The following C6orf62 variants were observed in gnomAD, a reference collection of about 807,000 sequenced individuals.
C6orf62 encodes chromosome 6 open reading frame 62, also known as uncharacterized protein C6orf62.
C6orf62 carries 16 observed loss-of-function variants against 26.8 expected under a neutral mutation model. The ratio of observed to expected loss-of-function variants is 0.60; its 90% CI spans 0.40 to 0.91. C6orf62 has a LOEUF of 0.91. C6orf62 is among the 40% of genes least tolerant of loss of function. C6orf62 has a pLI of 0.00. For missense variants in C6orf62, 192 were observed against 271.4 expected (o/e 0.71, Z 2.06); for synonymous variants, 112 against 91.5 (o/e 1.22, Z -1.28).
chr6:24,707,532 G>C (rs1042438561), intron 4 of C6orf62, among the ~76,000 whole-genome samples: 1 of 151,890 alleles, frequency 6.6e-6, no homozygotes, highest in African/African-American at 2.4e-5. Flanking sequence ...TAATTTCTTT[G>C]ATTTTTTGTA....
At position 24,718,429 on chromosome 6, in the gene C6orf62, CTTT is replaced by C. The variant is rs997822972; in HGVS notation, c.129+108_129+110del. 3.5e-6 allele frequency: 4 copies of C among 1,139,436 alleles called. No homozygotes were observed. The Admixed American group carries it at 7.9e-5, about 22-fold the overall frequency. 70.6% of individuals were successfully genotyped at this position (1,139,436 alleles called of 1,614,324 possible). ...GAAAAAACAGAGCATACAAAGCAGA[CTTT>C]TTTTCAACCACTCTTTAACCTAATA... On this transcript the variant is annotated intron_variant, in intron 1 of 4. Coordinates refer to ENST00000378119, the MANE Select transcript of C6orf62 (RefSeq NM_030939.5).
At chr6:24,707,412 G>A (rs992518521) in intron 4 of C6orf62, among the ~76,000 whole-genome samples, 4 of 151,176 alleles carry the variant, frequency 2.6e-5, no homozygotes, top group Non-Finnish European at 5.9e-5. Flanking sequence ...AGGCAGGAGT[G>A]TGTTGGTGCC....
chr6:24,718,865 C>T lies in C6orf62; in HGVS notation c.-197G>A. On this transcript the variant is annotated 5_prime_UTR_variant, in exon 1 of 5. Transcript: ENST00000378119. Reference sequence around the variant, plus strand: ...ACTGTCATATTACAGGGTCAAGAAACAAAAGCTGCTGTCCAGTCATGTTTG... The same window carrying T: ...ACTGTCATATTACAGGGTCAAGAAATAAAAGCTGCTGTCCAGTCATGTTTG... 2 of 1,412,466 alleles carry T rather than the reference C, an allele frequency of 1.4e-6. No homozygotes were observed. The highest frequency in any genetic ancestry group is 1.8e-6 in the Non-Finnish European group (2 of 1,091,178). The allele number at this position is 1,412,466 out of a possible 1,614,324, so 87.5% of individuals were successfully genotyped here.
chr6:24,717,151 T>C (rs1779250829), intron 1 of C6orf62, among the ~76,000 whole-genome samples: 1 of 152,252 alleles, frequency 6.6e-6, no homozygotes, highest in Admixed American at 6.5e-5. Flanking sequence ...TCATGAATTA[T>C]TCAGGGCAAC....
At chr6:24,719,447 G>A, upstream of C6orf62, 2 of 1,085,080 alleles carry the variant, frequency 1.8e-6, no homozygotes, top group East Asian at 8.2e-5. Flanking sequence ...GCGGGCAGCT[G>A]TGGCCCAAAG....
chr6:24,717,754 A>G (rs1779262154), intron 1 of C6orf62, among the ~76,000 whole-genome samples: 1 of 152,274 alleles, frequency 6.6e-6, no homozygotes, highest in Non-Finnish European at 1.5e-5. Flanking sequence ...CCAAAATCCA[A>G]GTAGCACTTC....
intron 3 of C6orf62, chr6:24,709,529 C>A (rs1779079650): frequency 2.0e-6 from 2 of 979,934 alleles, no homozygotes; most frequent in Admixed American, 1.2e-4. Flanking sequence ...AAGGCTGTAA[C>A]CCATTTCACA....
Position 24,719,146 on chromosome 6 carries a change from C to G in C6orf62, c.-478G>C. The G allele has an allele frequency of 9.2e-6, 6 of 654,302 alleles. No homozygotes were observed. The highest frequency in any genetic ancestry group is 1.1e-5 in the Non-Finnish European group (6 of 545,838). 40.5% of individuals were successfully genotyped at this position (654,302 alleles called of 1,614,324 possible). ...GGAACAGGGAGGGGGAAGTGTGATC[C>G]TTGCTTTCCAAAAAAAAAAAAAAAA... is the stretch of plus-strand genomic sequence containing the variant. On this transcript the variant is annotated 5_prime_UTR_variant, in exon 1 of 5. Coordinates refer to ENST00000378119, the MANE Select transcript of C6orf62 (RefSeq NM_030939.5).
intron 3 of C6orf62, chr6:24,710,555 C>T (rs189226979): frequency 3.7e-5 from 36 of 983,362 alleles, no homozygotes; most frequent in East Asian, 1.1e-4. Context: ...TGAGCAACCG[C>T]GCCCGGCCCA....
At chr6:24,710,131 A>T (rs62400788) in intron 3 of C6orf62, 1 of 985,060 alleles carries the variant, frequency 1.0e-6, no homozygotes. Flanking sequence ...ATTAGCTACT[A>T]AACAATAGGA....
At chr6:24,708,242 G>T in intron 4 of C6orf62, among the ~76,000 whole-genome samples, 1 of 112,858 alleles carries the variant, frequency 8.9e-6, no homozygotes, top group East Asian at 2.1e-4. Flanking sequence ...AAGGAGGTGG[G>T]TTTTTTCCCG....
In C6orf62 at chr6:24,707,158, T is replaced by C. The variant is rs1036745120; in HGVS notation, c.565-896A>G. On this transcript the variant is annotated intron_variant, in intron 4 of 4. Transcript: ENST00000378119. ...CCTATACATATGTAATATACTTTAC[T>C]TGTATTAGTTAATTTTAAATGTAAC... 4 of 152,214 alleles carry C rather than the reference T, an allele frequency of 2.6e-5. No homozygotes were observed. In the East Asian group the frequency reaches 5.8e-4, roughly 22 times the overall value. The allele number at this position is 152,214 out of a possible 1,614,324, so 9.4% of individuals were successfully genotyped here.
intron 1 of C6orf62, among the ~76,000 whole-genome samples, chr6:24,716,631 C>G (rs1233860149): frequency 6.6e-6 from 1 of 152,130 alleles, no homozygotes; most frequent in South Asian, 2.1e-4. Context: ...TAAAACAACG[C>G]TATTCAGACA....
At chr6:24,708,985 G>A (rs1197562017) in intron 3 of C6orf62, 74 bp from the exon 4 acceptor site, 2 of 1,582,180 alleles carry the variant, frequency 1.3e-6, no homozygotes. Flanking sequence ...TATGCTAGCT[G>A]TGCTGTCCAA....
rs115577969 is a variant in C6orf62 at position 24,717,096 on chromosome 6, G to A, written c.130-772C>T. 5.0e-3 allele frequency among the ~76,000 whole-genome samples: 767 copies of A among 152,138 alleles called. 7 individuals carry two copies. The highest frequency in any genetic ancestry group is 0.017 in the African/African-American group (710 of 41,528). ...TTTAATACTACTCAAGACCAAGTAC[G>A]CATCACTAAACTACTTTTTAAAATT... is the stretch of plus-strand genomic sequence containing the variant. On this transcript the variant is annotated intron_variant, in intron 1 of 4. Coordinates refer to ENST00000378119, the MANE Select transcript of C6orf62 (RefSeq NM_030939.5).
At chr6:24,716,375 A>C (rs1454587087) in intron 1 of C6orf62, 51 bp from the exon 2 acceptor site, 1 of 1,323,474 alleles carries the variant, frequency 7.6e-7, no homozygotes, top group Non-Finnish European at 1.1e-6. Flanking sequence ...CAGCCTTTTA[A>C]CACTCAGTTC....
Position 24,718,638 on chromosome 6 carries a change from C to A in C6orf62, c.31G>T (p.Ala11Ser), listed in dbSNP as rs767225153. The change falls in exon 1 of 5, where the codon GCT (alanine) becomes TCT (serine). Residue 11 changes from alanine to serine, a missense_variant. Coordinates refer to ENST00000378119, the MANE Select transcript of C6orf62 (RefSeq NM_030939.5). MGDPNSRKKQ[A>S]LNRLRAQLRK... ...AGCTGAGCACGTAGTCTGTTCAGAGCTTGTTTCTTCCGGGAGTTTGGGTCC... is the reference window on the plus strand; with the variant it reads ...AGCTGAGCACGTAGTCTGTTCAGAGATTGTTTCTTCCGGGAGTTTGGGTCC... The A allele has an allele frequency of 6.2e-7, 1 of 1,613,954 alleles. No homozygotes were observed. Among genetic ancestry groups the A allele is most frequent in the Non-Finnish European group, 8.5e-7 (1 of 1,179,980 alleles).
upstream of C6orf62, chr6:24,720,285 A>AGGCGGCGGC (rs3841338): frequency 6.9e-6 from 9 of 1,299,022 alleles, no homozygotes; most frequent in East Asian, 1.3e-4. Flanking sequence ...GCGGCGGAAG[A>AGGCGGCGGC]GGCGGCGGCG....
At chr6:24,717,097 C>G (rs146417041) in intron 1 of C6orf62, among the ~76,000 whole-genome samples, 1 of 152,272 alleles carries the variant, frequency 6.6e-6, no homozygotes, top group East Asian at 1.9e-4. Flanking sequence ...ACCAAGTACG[C>G]ATCACTAAAC....
Sources: gnomAD v4.1 joint callset for allele counts (sites outside exome capture counted in the v4.1 genomes callset) on GRCh38, gnomAD v4.1.1 for gene constraint, MANE v1.5 for transcripts, NCBI Gene and HGNC (gene_info 2026-07-23, HGNC 2026-07-21) for gene names.